Variants in CNTLN observed in about 807,000 individuals in gnomAD.
The protein encoded by CNTLN is centlein, centrosomal protein.
In CNTLN, 212 loss-of-function variants were observed where a neutral mutation model predicts 180.0. That is an observed-to-expected ratio of 1.18 (90% CI 1.05 to 1.32). The LOEUF is 1.32. CNTLN is among the 40% of genes most tolerant of loss of function. CNTLN has a pLI of 0.00. For missense variants in CNTLN, 2,095 were observed against 1,610.9 expected (o/e 1.30, Z -5.14); for synonymous variants, 722 against 563.1 (o/e 1.28, Z -3.99).
intron 7 of CNTLN, chr9:17,301,075 G>T (rs1179499625): frequency 1.4e-5 from 14 of 985,272 alleles, no homozygotes; most frequent in Non-Finnish European, 1.3e-5. Context: ...TAAGGATAAA[G>T]AAAGCTCTCC....
intron 2 of CNTLN, among the ~76,000 whole-genome samples, chr9:17,195,801 A>G (rs917428619): frequency 1.2e-4 from 19 of 152,198 alleles, no homozygotes; most frequent in African/African-American, 3.6e-4. Context: ...CATTTATTCT[A>G]TCTCCACTTC....
chr9:17,495,765 C>G (rs1833419460), intron 25 of CNTLN, among the ~76,000 whole-genome samples: 1 of 152,172 alleles, frequency 6.6e-6, no homozygotes, highest in African/African-American at 2.4e-5. Flanking sequence ...AGAGCAACTT[C>G]CAGTCCCACA....
chr9:17,454,502 C>T (rs970635805), intron 18 of CNTLN, among the ~76,000 whole-genome samples: 5 of 152,110 alleles, frequency 3.3e-5, no homozygotes, highest in African/African-American at 7.2e-5. Flanking sequence ...TGACTTAAGA[C>T]GAGCTAAAGT....
At chr9:17,218,097 A>G (rs1823884017) in intron 2 of CNTLN, among the ~76,000 whole-genome samples, 2 of 152,272 alleles carry the variant, frequency 1.3e-5, no homozygotes, top group East Asian at 1.9e-4. Context: ...AAAAATGTCC[A>G]TCATTTGTCG....
At chr9:17,276,814 T>C (rs981006067) in intron 6 of CNTLN, among the ~76,000 whole-genome samples, 13 of 152,160 alleles carry the variant, frequency 8.5e-5, no homozygotes, top group African/African-American at 2.7e-4. Context: ...GTAAATGCTA[T>C]ATAAATAGTT....
At chr9:17,471,133 A>G (rs1256014320) in intron 23 of CNTLN, among the ~76,000 whole-genome samples, 1 of 152,078 alleles carries the variant, frequency 6.6e-6, no homozygotes, top group Non-Finnish European at 1.5e-5. Flanking sequence ...TTATATCTCA[A>G]TAAAGCTGTT....
At chr9:17,171,930 G>A (rs1189192556) in intron 2 of CNTLN, among the ~76,000 whole-genome samples, 1 of 152,126 alleles carries the variant, frequency 6.6e-6, no homozygotes, top group Non-Finnish European at 1.5e-5. Context: ...GGTCCATAGT[G>A]CAGTTGTGTG....
chr9:17,295,635 G>C (rs10963014), intron 6 of CNTLN, among the ~76,000 whole-genome samples: 24,077 of 151,968 alleles, frequency 0.16, 2,039 homozygotes, highest in South Asian at 0.28. Context: ...CGGCCATCTT[G>C]GCCCGCCCTG....
chr9:17,328,270 T>C (rs554879628), intron 8 of CNTLN, among the ~76,000 whole-genome samples: 3 of 152,324 alleles, frequency 2.0e-5, no homozygotes, highest in Non-Finnish European at 2.9e-5. Flanking sequence ...CTCTAGAAAA[T>C]TGATAGCAGA....
intron 5 of CNTLN, among the ~76,000 whole-genome samples, chr9:17,237,087 T>C (rs953095909): frequency 2.0e-5 from 3 of 152,112 alleles, no homozygotes; most frequent in African/African-American, 7.2e-5. Context: ...GAAAATTTTA[T>C]TTTTATAGAA....
intron 12 of CNTLN, among the ~76,000 whole-genome samples, chr9:17,362,130 A>C (rs922237232): frequency 2.6e-5 from 4 of 152,234 alleles, no homozygotes; most frequent in African/African-American, 9.6e-5. Flanking sequence ...ACAAGCTGTA[A>C]GTATAAAGTA....
At chr9:17,410,884 G>A (rs1012822406) in intron 16 of CNTLN, among the ~76,000 whole-genome samples, 30 of 152,084 alleles carry the variant, frequency 2.0e-4, no homozygotes, top group African/African-American at 6.5e-4. Flanking sequence ...TTCAGTAAAT[G>A]TATCAGTATC....
intron 2 of CNTLN, among the ~76,000 whole-genome samples, chr9:17,177,688 T>G (rs1048542934): frequency 1.2e-4 from 19 of 152,016 alleles, no homozygotes; most frequent in African/African-American, 4.6e-4. Flanking sequence ...AGTTGTTCGT[T>G]CCTCCCAGTG....
intron 23 of CNTLN, among the ~76,000 whole-genome samples, chr9:17,483,979 A>G (rs948074856): frequency 2.6e-5 from 4 of 152,200 alleles, no homozygotes; most frequent in African/African-American, 7.2e-5. Flanking sequence ...TAGGTCAACT[A>G]GTAGAAGTTG....
intron 8 of CNTLN, among the ~76,000 whole-genome samples, chr9:17,312,761 A>G (rs1342904642): frequency 6.6e-6 from 1 of 151,996 alleles, no homozygotes; most frequent in Non-Finnish European, 1.5e-5. Context: ...TGGTGAAAGT[A>G]CTATATGTAC....
chr9:17,466,976 GTTTC>G (rs778663771), intron 23 of CNTLN, 85 bp downstream of exon 23: 56 of 873,852 alleles, frequency 6.4e-5, no homozygotes, highest in Non-Finnish European at 9.0e-5. Context: ...GGGGAATAAA[GTTTC>G]TTTCTGCTTT....
chr9:17,178,957 A>G (rs1248760027), intron 2 of CNTLN, among the ~76,000 whole-genome samples: 1 of 151,822 alleles, frequency 6.6e-6, no homozygotes, highest in Non-Finnish European at 1.5e-5. Context: ...AGAAGTGTAG[A>G]TTATTGGCCG....
intron 13 of CNTLN, among the ~76,000 whole-genome samples, chr9:17,382,900 T>C (rs1825371482): frequency 1.3e-5 from 2 of 152,148 alleles, no homozygotes; most frequent in Admixed American, 1.3e-4. Context: ...TAGCATTATT[T>C]TTTCCTCCCT....
chr9:17,457,616 A>C lies in CNTLN; in HGVS notation c.3207A>C (p.Glu1069Asp). 2 of 1,568,544 alleles carry C rather than the reference A, an allele frequency of 1.3e-6. No individual in the cohort carries two copies. The highest frequency in any genetic ancestry group is 1.7e-6 in the Non-Finnish European group (2 of 1,155,360). Residue 1069 changes from glutamate to aspartate, a missense_variant, in exon 19 of 26, where the codon GAA becomes GAC. By Grantham distance (45) the Glu-to-Asp change is conservative. Transcript: ENST00000380647. ...ESSSEITSLA[E>D]ENSQVTFPRI... ...CATCTGAAATCACAAGTTTGGCAGA[A>C]GAAAATTCCCAGGTAACATTTCCAC...
Sources: allele counts gnomAD v4.1 joint callset (sites outside exome capture counted in the v4.1 genomes callset), GRCh38; gene constraint gnomAD v4.1.1; transcripts MANE v1.5; gene names NCBI Gene and HGNC (gene_info 2026-07-23, HGNC 2026-07-21).